The following LRRC49 variants were observed in gnomAD, a reference collection of about 807,000 sequenced individuals.
The protein encoded by LRRC49 is leucine-rich repeat-containing protein 49.
In LRRC49, 50 loss-of-function variants were observed where a neutral mutation model predicts 83.3. The observed-to-expected ratio is 0.60, with a 90% CI of 0.48 to 0.76. The LOEUF (loss-of-function observed/expected upper bound fraction) is 0.76, where lower values mean the gene tolerates loss of function less well. LRRC49 is among the 30% of genes least tolerant of loss of function. The pLI, the probability that LRRC49 is intolerant of heterozygous loss-of-function variation, is 0.00. For missense variants in LRRC49, 704 were observed against 809.1 expected, an observed-to-expected ratio of 0.87 and a Z score of 1.58; for synonymous variants, 286 against 283.3, an observed-to-expected ratio of 1.01 and a Z score of -0.10.
At chr15:70,893,286 A>G in intron 1 of LRRC49, 1 of 551,408 alleles carries the variant, frequency 1.8e-6, no homozygotes, top group African/African-American at 1.9e-5. Flanking sequence ...CACCTCCTTC[A>G]CCTGTCTCAT....
chr15:70,893,190 G>T (rs2033663683), intron 1 of LRRC49: 3 of 589,682 alleles, frequency 5.1e-6, no homozygotes, highest in Admixed American at 3.0e-5. Context: ...GAAAGGCTTG[G>T]GTTTATTTAA....
intron 1 of LRRC49, among the ~76,000 whole-genome samples, chr15:70,855,434 C>G (rs1406474257): frequency 6.6e-6 from 1 of 152,054 alleles, no homozygotes; most frequent in Non-Finnish European, 1.5e-5. Flanking sequence ...TTATTTAGAG[C>G]CTTAAACATA....
At chr15:70,920,578 T>A (rs113366211) in intron 7 of LRRC49, among the ~76,000 whole-genome samples, 22 of 152,338 alleles carry the variant, frequency 1.4e-4, no homozygotes, top group African/African-American at 5.0e-4. Context: ...GGAACAGGAA[T>A]CTATTGGCCC....
chr15:70,899,384 G>A (rs976270491), intron 3 of LRRC49, among the ~76,000 whole-genome samples: 2 of 151,796 alleles, frequency 1.3e-5, no homozygotes, highest in African/African-American at 4.8e-5. Context: ...ACTGGTTTTT[G>A]TTTTGTTTTT....
At chr15:70,864,976 C>T (rs2032879807) in intron 1 of LRRC49, among the ~76,000 whole-genome samples, 1 of 152,168 alleles carries the variant, frequency 6.6e-6, no homozygotes, top group South Asian at 2.1e-4. Flanking sequence ...CCCTCTATAA[C>T]CCCATATGCC....
chr15:71,023,108 A>T (rs1051924747), intron 14 of LRRC49, among the ~76,000 whole-genome samples: 1 of 152,246 alleles, frequency 6.6e-6, no homozygotes, highest in Non-Finnish European at 1.5e-5. Context: ...ACTGAAATAT[A>T]ATAAAAATAC....
chr15:71,047,134 T>C (rs1027068213), intron 15 of LRRC49, among the ~76,000 whole-genome samples: 36 of 152,338 alleles, frequency 2.4e-4, no homozygotes, highest in African/African-American at 8.4e-4. Flanking sequence ...TGCCTCTGGC[T>C]TTGTTCTTTT....
At chr15:70,981,054 G>T (rs1345359928) in intron 10 of LRRC49, among the ~76,000 whole-genome samples, 1 of 152,084 alleles carries the variant, frequency 6.6e-6, no homozygotes, top group Non-Finnish European at 1.5e-5. Context: ...TAGTTACGAG[G>T]TTTACTTAGT....
At chr15:70,936,160 T>C (rs2035590500) in intron 7 of LRRC49, among the ~76,000 whole-genome samples, 1 of 152,170 alleles carries the variant, frequency 6.6e-6, no homozygotes, top group African/African-American at 2.4e-5. Context: ...GTAGATTTCC[T>C]ATTTTAAGAA....
chr15:70,989,235 C>G (rs1275879910), intron 11 of LRRC49, among the ~76,000 whole-genome samples: 2 of 152,162 alleles, frequency 1.3e-5, no homozygotes, highest in Non-Finnish European at 1.5e-5. Context: ...AGAGTGTTTT[C>G]CAACTTGGTT....
intron 9 of LRRC49, among the ~76,000 whole-genome samples, chr15:70,964,264 A>C (rs1413333217): frequency 6.6e-6 from 1 of 152,122 alleles, no homozygotes; most frequent in Non-Finnish European, 1.5e-5. Context: ...GAGCATGGAC[A>C]CTGGAGCCAG....
intron 14 of LRRC49, among the ~76,000 whole-genome samples, chr15:71,028,072 G>T (rs2039231130): frequency 6.6e-6 from 1 of 152,104 alleles, no homozygotes; most frequent in Non-Finnish European, 1.5e-5. Flanking sequence ...TATAATACTG[G>T]CTATGGGTTT....
chr15:70,911,121 C>T (rs533174972), intron 5 of LRRC49, among the ~76,000 whole-genome samples: 25 of 152,240 alleles, frequency 1.6e-4, no homozygotes, highest in African/African-American at 4.8e-4. Context: ...AGAGACACAG[C>T]AAGAATGCCT....
Position 71,037,418 on chromosome 15 carries a change from G to A in LRRC49, c.1857+86G>A, listed in dbSNP as rs1596171075. The A allele has an allele frequency of 2.7e-6, 3 of 1,124,380 alleles. No homozygotes were observed. In the East Asian group the frequency reaches 7.6e-5, roughly 29 times the overall value. The allele number at this position is 1,124,380 out of a possible 1,614,324, so 69.7% of individuals were successfully genotyped here. A position where few individuals can be genotyped will look rare whatever the true frequency, so the allele number is the denominator to read the frequency against. On this transcript the variant is annotated intron_variant, in intron 15 of 15. Coordinates refer to ENST00000260382, the MANE Select transcript of LRRC49 (RefSeq NM_017691.5). ...TTGGGGGTTGTACATTTTACCCTTA[G>A]TTAAGATAACTTTTTTGTTCTGGAA...
chr15:70,986,269 T>TG, intron 11 of LRRC49, among the ~76,000 whole-genome samples: 1 of 152,222 alleles, frequency 6.6e-6, no homozygotes, highest in Non-Finnish European at 1.5e-5. Context: ...CCCATGAGCA[T>TG]GGAATGTTCT....
chr15:70,936,193 G>C (rs1414440281), intron 7 of LRRC49, among the ~76,000 whole-genome samples: 3 of 152,024 alleles, frequency 2.0e-5, no homozygotes, highest in Admixed American at 6.6e-5. Context: ...GCTTAGATGA[G>C]AAATTGCCCT....
chr15:70,859,165 G>A, intron 1 of LRRC49: 1 of 1,444,218 alleles, frequency 6.9e-7, no homozygotes, highest in South Asian at 1.1e-5. Context: ...GGTGGCAGCT[G>A]GAGACTCTGA....
At chr15:70,973,428 G>C (rs1254237025) in intron 9 of LRRC49, among the ~76,000 whole-genome samples, 1 of 152,182 alleles carries the variant, frequency 6.6e-6, no homozygotes, top group South Asian at 2.1e-4. Flanking sequence ...AACACCTGCT[G>C]GGAGGTATCT....
At chr15:71,048,700 G>T (rs2039930067) in intron 15 of LRRC49, 1 of 431,352 alleles carries the variant, frequency 2.3e-6, no homozygotes, top group Non-Finnish European at 4.6e-6. Flanking sequence ...TTTAGTCTCT[G>T]TGATGAAATT....
Sources: allele counts gnomAD v4.1 joint callset (sites outside exome capture counted in the v4.1 genomes callset), GRCh38; gene constraint gnomAD v4.1.1; transcripts MANE v1.5; gene names NCBI Gene and HGNC (gene_info 2026-07-23, HGNC 2026-07-21).